The following MYO16 variants were observed in gnomAD, a reference collection of about 807,000 sequenced individuals.
MYO16 encodes myosin XVI, also known as unconventional myosin-XVI.
Under a neutral mutation model 205.3 loss-of-function variants are expected in MYO16, and 94 were observed. That is an observed-to-expected ratio of 0.46 (90% CI 0.39 to 0.54). The LOEUF is 0.54. MYO16 is among the 20% of genes least tolerant of loss of function. The probability of loss-of-function intolerance (pLI) is 0.00; values close to 1 mark genes in which losing one functional copy is unlikely to be tolerated. For missense variants in MYO16, 2,315 were observed against 2,387.5 expected, an observed-to-expected ratio of 0.97 and a Z score of 0.63; for synonymous variants, 988 against 954.0, an observed-to-expected ratio of 1.04 and a Z score of -0.66.
At chr13:109,015,407 A>G (rs564937874) in intron 22 of MYO16, among the ~76,000 whole-genome samples, 4 of 152,330 alleles carry the variant, frequency 2.6e-5, no homozygotes, top group Admixed American at 1.3e-4. Context: ...CATCAGGGCT[A>G]TTGGTCTAAA....
At chr13:108,658,450 G>GTGTA (rs1486941619) in intron 1 of MYO16, among the ~76,000 whole-genome samples, 3 of 149,970 alleles carry the variant, frequency 2.0e-5, no homozygotes, top group African/African-American at 7.5e-5. Flanking sequence ...GTGTGTGTGT[G>GTGTA]TGTGTGTGTT....
chr13:109,069,246 G>A (rs1247132055), intron 27 of MYO16, among the ~76,000 whole-genome samples: 1 of 152,080 alleles, frequency 6.6e-6, no homozygotes, highest in Non-Finnish European at 1.5e-5. Context: ...CAGTTCCAAT[G>A]GAATTGAAAT....
At chr13:109,104,560 G>C (rs1345142677) in intron 28 of MYO16, among the ~76,000 whole-genome samples, 1 of 152,142 alleles carries the variant, frequency 6.6e-6, no homozygotes, top group East Asian at 1.9e-4. Context: ...TAGAGAAGGA[G>C]AAGAACTGGA....
At chr13:109,022,677 C>G (rs1222932135) in intron 23 of MYO16, among the ~76,000 whole-genome samples, 1 of 54,792 alleles carries the variant, frequency 1.8e-5, no homozygotes, top group East Asian at 5.7e-4. Flanking sequence ...ATTATATATA[C>G]ACATATAAAC....
intron 27 of MYO16, among the ~76,000 whole-genome samples, chr13:109,064,032 A>G (rs1887667445): frequency 6.6e-6 from 1 of 152,194 alleles, no homozygotes; most frequent in Non-Finnish European, 1.5e-5. Flanking sequence ...GGAAATATCC[A>G]TGTATGTATT....
chr13:108,760,657 G>A (rs534816445), intron 4 of MYO16, among the ~76,000 whole-genome samples: 55 of 152,232 alleles, frequency 3.6e-4, no homozygotes, highest in Admixed American at 6.5e-4. Context: ...TACTTTCAAT[G>A]CCATATGTTC....
intron 21 of MYO16, among the ~76,000 whole-genome samples, chr13:109,003,709 T>C (rs1885297177): frequency 6.6e-6 from 1 of 152,178 alleles, no homozygotes; most frequent in South Asian, 2.1e-4. Flanking sequence ...TTCAATTCAG[T>C]AAAATATTAG....
At position 109,148,601 on chromosome 13, in the gene MYO16, C is replaced by T. The variant is rs1240265062; in HGVS notation, c.5164+7225C>T. ...TCTAACCTGAGGGCCATAAACCACT[C>T]GTGGATTCGTAGTTGAGCTCCAAGT... On this transcript the variant is annotated intron_variant, in intron 32 of 34. Coordinates refer to ENST00000457511, the MANE Select transcript of MYO16 (RefSeq NM_001198950.3). Among the ~76,000 whole-genome samples, 3 of 152,142 alleles carry T rather than the reference C, an allele frequency of 2.0e-5. No homozygotes were observed. In the East Asian group the frequency reaches 5.8e-4, roughly 29 times the overall value.
At chr13:108,874,068 A>G (rs1417062048) in intron 12 of MYO16, among the ~76,000 whole-genome samples, 1 of 152,226 alleles carries the variant, frequency 6.6e-6, no homozygotes, top group Non-Finnish European at 1.5e-5. Flanking sequence ...TAGACATGCT[A>G]GAGACAAAAC....
Position 108,723,853 on chromosome 13 carries a change from A to T in MYO16, c.364-3587A>T, listed in dbSNP as rs189328609. Among the ~76,000 whole-genome samples the T allele has an allele frequency of 2.1e-4, 31 of 148,254 alleles. No homozygotes were observed. In the South Asian group the frequency reaches 2.5e-3, roughly 12 times the overall value. On this transcript the variant is annotated intron_variant, in intron 3 of 34. Coordinates refer to ENST00000457511, the MANE Select transcript of MYO16 (RefSeq NM_001198950.3). ...TTAGATTCAGCTTTTCAATATCTATAAAAAAAAACCCTTCTGGAATTATGA... is the reference window on the plus strand; with the variant it reads ...TTAGATTCAGCTTTTCAATATCTATTAAAAAAAACCCTTCTGGAATTATGA...
chr13:109,010,342 C>T (rs974284937), intron 22 of MYO16, among the ~76,000 whole-genome samples: 1 of 152,064 alleles, frequency 6.6e-6, no homozygotes, highest in Non-Finnish European at 1.5e-5. Flanking sequence ...GTTAATTGCC[C>T]CATTCTTTTA....
chr13:108,959,539 C>T (rs543792344), intron 17 of MYO16, among the ~76,000 whole-genome samples: 1 of 152,292 alleles, frequency 6.6e-6, no homozygotes, highest in South Asian at 2.1e-4. Flanking sequence ...TAGCAAAAAA[C>T]ATGAAATTAA....
Position 108,785,747 on chromosome 13 carries a change from G to A in MYO16, c.616+4G>A. On this transcript the variant is annotated splice_donor_region_variant and intron_variant, in intron 5 of 34. Coordinates refer to ENST00000457511, the MANE Select transcript of MYO16 (RefSeq NM_001198950.3). ...TTGACCTATCTGGATGAAAATGGTA[G>A]GCAAAAACTTTTAAAACCATAGAAA... is the stretch of plus-strand genomic sequence containing the variant. 6.4e-7 allele frequency: 1 copy of A among 1,565,754 alleles called. No individual in the cohort carries two copies. Among genetic ancestry groups the A allele is most frequent in the South Asian group, 1.2e-5 (1 of 86,768 alleles).
the MYO16 span, among the ~76,000 whole-genome samples, chr13:108,525,421 G>A: frequency 3.0e-3 from 457 of 152,196 alleles, 2 homozygotes; most frequent in Non-Finnish European, 4.7e-3. Context: ...CACAGTCCTC[G>A]AGCCATGTGG....
chr13:109,022,705 TTATA>T (rs1349451982), intron 23 of MYO16, among the ~76,000 whole-genome samples: 1 of 103,130 alleles, frequency 9.7e-6, no homozygotes, highest in Non-Finnish European at 1.9e-5. Context: ...TATTTATATA[TTATA>T]TATACGCATA....
chr13:109,154,690 A>G (rs901676428), intron 32 of MYO16, among the ~76,000 whole-genome samples: 2 of 152,036 alleles, frequency 1.3e-5, no homozygotes, highest in Non-Finnish European at 2.9e-5. Context: ...AGTGAGGAGG[A>G]ACCATTTCCC....
chr13:109,140,880 G>A lies in MYO16; in HGVS notation c.4668G>A (p.Gly1556=), dbSNP rs1388038848. ...TNLKYPVQPE[G]SSPLSPQYSK... ...TCAAGTACCCCGTGCAGCCGGAGGG[G>A]TCGAGCCCGCTGTCCCCGCAGTACT... Residue 1556 remains glycine, a synonymous_variant, in exon 32 of 35, where the codon GGG becomes GGA. Transcript: ENST00000457511. This position sits in a 1 kb window ranked among gnomAD's most constrained non-coding sequence, Gnocchi z 8.0. 1.3e-5 allele frequency: 21 copies of A among 1,595,176 alleles called. No homozygotes were observed. The highest frequency in any genetic ancestry group is 1.7e-5 in the Non-Finnish European group (20 of 1,172,502).
Position 108,905,051 on chromosome 13 carries a change from C to A in MYO16, c.1778-4952C>A, listed in dbSNP as rs543747032. ...ATGTGATAGCAAGATTTTTAATTAG[C>A]TCTTTCTTTTTCTAATTTACTCGCA... On this transcript the variant is annotated intron_variant, in intron 15 of 34. Transcript: ENST00000457511. Among the ~76,000 whole-genome samples the A allele has an allele frequency of 2.6e-5, 4 of 151,974 alleles. 1 individual carries two copies. The highest frequency in any genetic ancestry group is 2.6e-4 in the Admixed American group (4 of 15,238).
At chr13:109,173,755 C>T (rs777406334) in intron 33 of MYO16, among the ~76,000 whole-genome samples, 2 of 151,598 alleles carry the variant, frequency 1.3e-5, no homozygotes, top group Non-Finnish European at 2.9e-5. Flanking sequence ...ATTAGCCGGG[C>T]GTGGTGGTGG....
Sources: gnomAD v4.1 joint callset for allele counts (sites outside exome capture counted in the v4.1 genomes callset) on GRCh38, gnomAD v4.1.1 for gene constraint, Gnocchi (gnomAD v3.1) non-coding constraint, MANE v1.5 for transcripts, NCBI Gene and HGNC (gene_info 2026-07-23, HGNC 2026-07-21) for gene names.